The following TNRC6C variants were observed in gnomAD, a reference collection of about 807,000 sequenced individuals.
TNRC6C encodes the protein trinucleotide repeat-containing gene 6C protein.
In TNRC6C, 20 loss-of-function variants were observed where a neutral mutation model predicts 153.7. The observed-to-expected ratio is 0.13, with a 90% CI of 0.09 to 0.19. The LOEUF is 0.19. Among genes scored for constraint, TNRC6C ranks in the 10% least tolerant of loss-of-function variants. TNRC6C has a pLI of 1.00. For synonymous variants in TNRC6C, 811 were observed against 841.4 expected, an observed-to-expected ratio of 0.96 and a Z score of 0.63; for missense variants, 1,987 against 2,172.0, an observed-to-expected ratio of 0.91 and a Z score of 1.69.
chr17:77,961,945 C>G (rs1208111641), intron 1 of TNRC6C, among the ~76,000 whole-genome samples: 1 of 152,160 alleles, frequency 6.6e-6, no homozygotes, highest in African/African-American at 2.4e-5. Context: ...CAAAACCAAG[C>G]CAGAGGAGGG....
chr17:77,971,319 A>C (rs1381068488), intron 1 of TNRC6C, among the ~76,000 whole-genome samples: 1 of 152,220 alleles, frequency 6.6e-6, no homozygotes, highest in Non-Finnish European at 1.5e-5. Flanking sequence ...AAAATAGCTA[A>C]CATGAAACCA....
At chr17:78,093,168 T>C (rs1484831520) in intron 15 of TNRC6C, 44 bp downstream of exon 17, 2 of 1,591,956 alleles carry the variant, frequency 1.3e-6, no homozygotes, top group East Asian at 2.2e-5. Context: ...CAGGTCAGAA[T>C]GTGCTCCAAG....
rs2072837859 is a variant in TNRC6C, at chr17:78,064,707, T to C, written c.2396-15T>C. 1.1e-5 allele frequency: 18 copies of C among 1,612,880 alleles called. No homozygotes were observed. Among genetic ancestry groups the C allele is most frequent in the Non-Finnish European group, 1.5e-5 (18 of 1,179,370 alleles). On this transcript the variant is annotated splice_polypyrimidine_tract_variant and intron_variant, in intron 3 of 19. Coordinates refer to ENST00000301624, the Ensembl canonical transcript of TNRC6C. Reference sequence around the variant, plus strand: ...CACTTTCATTATTTTCTCTACCCCTTGGAACCTTTTTCAGTTTCATCAGGC... The same window carrying C: ...CACTTTCATTATTTTCTCTACCCCTCGGAACCTTTTTCAGTTTCATCAGGC...
chr17:78,067,643 A>T, intron 4 of TNRC6C, 114 bp from the exon 7 acceptor site: 2 of 1,132,100 alleles, frequency 1.8e-6, no homozygotes, highest in Non-Finnish European at 2.4e-6. Flanking sequence ...AGGCATAAAA[A>T]GGTAGATTAC....
At chr17:78,102,861 G>A (rs1329321360) in intron 18 of TNRC6C, 1 of 330,690 alleles carries the variant, frequency 3.0e-6, no homozygotes, top group Non-Finnish European at 5.6e-6. Flanking sequence ...GGCCTGGCTG[G>A]GCGCAGTAGC....
chr17:78,041,564 G>A (rs2072296095), intron 2 of TNRC6C, among the ~76,000 whole-genome samples: 1 of 152,134 alleles, frequency 6.6e-6, no homozygotes, highest in Non-Finnish European at 1.5e-5. Flanking sequence ...TGTGTTCTGC[G>A]TTTCATAATT....
At chr17:77,968,491 G>A (rs937860356) in intron 1 of TNRC6C, among the ~76,000 whole-genome samples, 16 of 151,420 alleles carry the variant, frequency 1.1e-4, no homozygotes, top group South Asian at 2.1e-4. Context: ...ACAGGCGCCC[G>A]CCACCACACC....
intron 2 of TNRC6C, 32 bp downstream of exon 4, chr17:78,031,874 G>C: frequency 8.1e-7 from 1 of 1,231,904 alleles, no homozygotes; most frequent in Non-Finnish European, 1.0e-6. Flanking sequence ...ACATTGTTTT[G>C]ATCTGAAAAC....
intron 11 of TNRC6C, among the ~76,000 whole-genome samples, chr17:78,083,742 A>G (rs185058659): frequency 2.3e-4 from 35 of 152,216 alleles, no homozygotes; most frequent in African/African-American, 4.1e-4. Flanking sequence ...TAATTCTCTC[A>G]TGAAACCCCG....
At chr17:78,086,730 G>A in intron 12 of TNRC6C, 123 bp from the exon 15 acceptor site, 1 of 1,565,846 alleles carries the variant, frequency 6.4e-7, no homozygotes, top group Non-Finnish European at 8.7e-7. Flanking sequence ...CTAGGTTTGG[G>A]AGGAGGTTGG....
intron 5 of TNRC6C, 69 bp downstream of exon 7, chr17:78,067,992 A>G: frequency 5.3e-6 from 8 of 1,507,782 alleles, no homozygotes; most frequent in Non-Finnish European, 7.1e-6. Context: ...TTCAGTATCC[A>G]GTTAATCAGA....
chr17:78,048,509 T>G (rs1395866701), intron 2 of TNRC6C, among the ~76,000 whole-genome samples: 3 of 152,202 alleles, frequency 2.0e-5, no homozygotes, highest in African/African-American at 7.2e-5. Context: ...GTCTCTGTAT[T>G]TATAGGAGTT....
At chr17:77,960,636 G>C (rs1370348875) in intron 1 of TNRC6C, among the ~76,000 whole-genome samples, 1 of 152,160 alleles carries the variant, frequency 6.6e-6, no homozygotes, top group East Asian at 1.9e-4. Flanking sequence ...CTGTATGAAA[G>C]AATAAATGAT....
intron 3 of TNRC6C, among the ~76,000 whole-genome samples, chr17:78,058,751 C>A (rs2072707775): frequency 6.6e-6 from 1 of 152,246 alleles, no homozygotes; most frequent in African/African-American, 2.4e-5. Context: ...AGAGATGTAT[C>A]TCAGCCATAG....
At chr17:78,059,111 A>G (rs2072714963) in intron 3 of TNRC6C, among the ~76,000 whole-genome samples, 1 of 152,214 alleles carries the variant, frequency 6.6e-6, no homozygotes, top group Non-Finnish European at 1.5e-5. Flanking sequence ...TAGGAAGTTT[A>G]TCATTCTTTA....
chr17:78,050,381 A>G, exon 3 of TNRC6C: 1 of 1,613,770 alleles, frequency 6.2e-7, no homozygotes, highest in Non-Finnish European at 8.5e-7. Flanking sequence ...AATGATCTTG[A>G]CCCAAGAGTT....
At chr17:78,054,569 C>G (rs1023400327) in intron 3 of TNRC6C, among the ~76,000 whole-genome samples, 2 of 151,948 alleles carry the variant, frequency 1.3e-5, no homozygotes, top group Non-Finnish European at 2.9e-5. Context: ...CTACTGCGCA[C>G]CACTGCAGAC....
At chr17:78,082,792 C>G (rs187385193) in intron 10 of TNRC6C, among the ~76,000 whole-genome samples, 39 of 152,312 alleles carry the variant, frequency 2.6e-4, no homozygotes, top group African/African-American at 7.7e-4. Flanking sequence ...TTTATAGGCT[C>G]TCTGCAGGGG....
At chr17:78,086,868 A>G (rs750084376) in exon 13 of TNRC6C, 1 of 1,612,278 alleles carries the variant, frequency 6.2e-7, no homozygotes, top group Non-Finnish European at 8.5e-7. Flanking sequence ...GCGCACAATC[A>G]CTAATCTGCA....
Sources: gnomAD v4.1 joint callset for allele counts (sites outside exome capture counted in the v4.1 genomes callset) on GRCh38, gnomAD v4.1.1 for gene constraint, MANE v1.5 for transcripts, NCBI Gene and HGNC (gene_info 2026-07-23, HGNC 2026-07-21) for gene names.